BCL11B: variants seen among roughly 807,000 people sequenced by gnomAD.
BCL11B encodes B-cell lymphoma/leukemia 11B.
Under a neutral mutation model 49.9 loss-of-function variants are expected in BCL11B, and 8 were observed. The observed-to-expected ratio is 0.16, with a 90% CI of 0.09 to 0.29. BCL11B has a LOEUF of 0.29. BCL11B is among the 10% of genes least tolerant of loss of function. The probability of loss-of-function intolerance (pLI) is 1.00; values close to 1 mark genes in which losing one functional copy is unlikely to be tolerated. For missense variants in BCL11B, 1,006 were observed against 1,351.0 expected (o/e 0.74, Z 4.00); for synonymous variants, 739 against 637.4 (o/e 1.16, Z -2.40).
At chr14:99,191,217 CT>C (rs5810926) in intron 3 of BCL11B, among the ~76,000 whole-genome samples, 141,479 of 152,048 alleles carry the variant, frequency 0.93, 66,375 homozygotes, top group Non-Finnish European at 0.98. Context: ...GGGGCTTGGG[CT>C]TTGGGGTGCT....
chr14:99,208,104 A>C (rs1887586617), intron 3 of BCL11B, among the ~76,000 whole-genome samples: 3 of 152,214 alleles, frequency 2.0e-5, no homozygotes, highest in African/African-American at 7.2e-5. Flanking sequence ...AGATGAGTCC[A>C]GTAAGTCCCA....
intron 3 of BCL11B, among the ~76,000 whole-genome samples, chr14:99,218,371 C>A (rs1372386038): frequency 1.3e-5 from 2 of 151,656 alleles, no homozygotes; most frequent in Non-Finnish European, 2.9e-5. Flanking sequence ...TGAGCCACTG[C>A]GCCCGGCCAC....
rs1888226380 is a variant in BCL11B at position 99,228,742 on chromosome 14, A to ACTCC, written c.640+2599_640+2602dup. ...CCTGGGATCAAATCCCACCTCCACC[A>ACTCC]CTCCCTCCCTCCCTGCTCCTCCTTC... On this transcript the variant is annotated intron_variant, in intron 3 of 3. Coordinates refer to ENST00000357195, the MANE Select transcript of BCL11B (RefSeq NM_138576.4). This position sits in a 1 kb window ranked among gnomAD's most constrained non-coding sequence, Gnocchi z 4.8. Among the ~76,000 whole-genome samples, 1 of 150,372 alleles carries ACTCC rather than the reference A, an allele frequency of 6.7e-6. No homozygotes were observed. Among genetic ancestry groups the ACTCC allele is most frequent in the Non-Finnish European group, 1.5e-5 (1 of 67,638 alleles).
chr14:99,237,236 C>CTTTTTTTTTTTTTT (rs56991081), intron 2 of BCL11B, among the ~76,000 whole-genome samples: 1 of 132,798 alleles, frequency 7.5e-6, no homozygotes, highest in Non-Finnish European at 1.7e-5. Flanking sequence ...CTTTTTTTTT[C>CTTTTTTTTTTTTTT]TTTTTTTTTT....
intron 2 of BCL11B, among the ~76,000 whole-genome samples, chr14:99,240,283 G>A (rs1152787): frequency 0.39 from 59,323 of 152,060 alleles, 11,818 homozygotes; most frequent in East Asian, 0.52. Context: ...GGTTGCATTT[G>A]ATAGAATTAT....
chr14:99,234,028 C>T (rs1042130863), intron 2 of BCL11B, among the ~76,000 whole-genome samples: 2 of 152,138 alleles, frequency 1.3e-5, no homozygotes, highest in Non-Finnish European at 2.9e-5. Context: ...CTCAAGAAAT[C>T]TGAAGCTACT....
Position 99,241,456 on chromosome 14 carries a change from C to T in BCL11B, c.428-9899G>A, listed in dbSNP as rs1207946146. Among the ~76,000 whole-genome samples the T allele has an allele frequency of 6.6e-6, 1 of 151,252 alleles. No individual in the cohort carries two copies. Among genetic ancestry groups the T allele is most frequent in the East Asian group, 1.9e-4 (1 of 5,152 alleles). On this transcript the variant is annotated intron_variant, in intron 2 of 3. Coordinates refer to ENST00000357195, the MANE Select transcript of BCL11B (RefSeq NM_138576.4). This position sits in a 1 kb window ranked among gnomAD's most constrained non-coding sequence, Gnocchi z 4.4. Reference sequence around the variant, plus strand: ...CAGGAGGCCTCAGAGACTAAACAGACACAAAACCCAAAAGAAAAAGAAAAA... The same window carrying T: ...CAGGAGGCCTCAGAGACTAAACAGATACAAAACCCAAAAGAAAAAGAAAAA...
In BCL11B at chr14:99,172,398, A is replaced by AT; in HGVS notation, c.*1752_*1753insA. On this transcript the variant is annotated 3_prime_UTR_variant, in exon 4 of 4. Coordinates refer to ENST00000357195, the MANE Select transcript of BCL11B (RefSeq NM_138576.4). ...TTTCATATCCTCTATCTTCAACCAG[A>AT]ATTTTTTTTTTTTTTACTTAAAGTA... 1 of 217,942 alleles carries AT rather than the reference A, an allele frequency of 4.6e-6. No homozygotes were observed. Among genetic ancestry groups the AT allele is most frequent in the Non-Finnish European group, 9.2e-6 (1 of 108,786 alleles). 13.5% of individuals were successfully genotyped at this position (217,942 alleles called of 1,614,324 possible).
At chr14:99,178,885 C>A (rs1260948756) in intron 3 of BCL11B, among the ~76,000 whole-genome samples, 1 of 152,180 alleles carries the variant, frequency 6.6e-6, no homozygotes, top group Non-Finnish European at 1.5e-5. Flanking sequence ...GTCAGGCCAC[C>A]TCCCTTCCCC....
rs1886216554 is a variant in BCL11B, at chr14:99,169,358, C to T, written c.*4793G>A. On this transcript the variant is annotated 3_prime_UTR_variant, in exon 4 of 4. Transcript: ENST00000357195. ...CAGAACAAACTTGGTTTTGAACAAG[C>T]GTACAAATGAAATGGCAGACACATG... 1.0e-5 allele frequency: 2 copies of T among 192,976 alleles called. No homozygotes were observed. Among genetic ancestry groups the T allele is most frequent in the East Asian group, 8.2e-5 (1 of 12,184 alleles). 12.0% of individuals were successfully genotyped at this position (192,976 alleles called of 1,614,324 possible). A position where few individuals can be genotyped will look rare whatever the true frequency, so the allele number is the denominator to read the frequency against.
In BCL11B at chr14:99,195,480, A is replaced by C. The variant is rs1397619844; in HGVS notation, c.641-19285T>G. Among the ~76,000 whole-genome samples, 1 of 152,050 alleles carries C rather than the reference A, an allele frequency of 6.6e-6. No individual in the cohort carries two copies. Among genetic ancestry groups the C allele is most frequent in the Non-Finnish European group, 1.5e-5 (1 of 68,000 alleles). On this transcript the variant is annotated intron_variant, in intron 3 of 3. Transcript: ENST00000357195. This position sits in a 1 kb window ranked among gnomAD's most constrained non-coding sequence, Gnocchi z 4.7. The stretch of plus-strand genomic sequence containing the variant: ...ACAGTCCCCCAAGCCAGGATACTGC[A>C]CTGGGCTTTGCACCCCCAAAACAAT...
chr14:99,238,919 T>C (rs1399938058), intron 2 of BCL11B, among the ~76,000 whole-genome samples: 1 of 152,200 alleles, frequency 6.6e-6, no homozygotes, highest in Non-Finnish European at 1.5e-5. Flanking sequence ...GGTGAAGCCA[T>C]GTGTCGCACT....
In BCL11B at chr14:99,194,588, C is replaced by T. The variant is rs1292958272; in HGVS notation, c.641-18393G>A. Among the ~76,000 whole-genome samples the T allele has an allele frequency of 6.6e-6, 1 of 152,226 alleles. No homozygotes were observed. The highest frequency in any genetic ancestry group is 2.4e-5 in the African/African-American group (1 of 41,458). ...CAACCCTGGGGAAGGTGCTTAACTTCTCTGAATCTGTCCTTCGGTGTGAAA... is the reference window on the plus strand; with the variant it reads ...CAACCCTGGGGAAGGTGCTTAACTTTTCTGAATCTGTCCTTCGGTGTGAAA... On this transcript the variant is annotated intron_variant, in intron 3 of 3. Coordinates refer to ENST00000357195, the MANE Select transcript of BCL11B (RefSeq NM_138576.4). This position sits in a 1 kb window ranked among gnomAD's most constrained non-coding sequence, Gnocchi z 4.6.
chr14:99,190,558 T>A (rs1461113216), intron 3 of BCL11B, among the ~76,000 whole-genome samples: 1 of 152,188 alleles, frequency 6.6e-6, no homozygotes, highest in African/African-American at 2.4e-5. Context: ...TTTTGTTTTT[T>A]TAGTGAAGTC....
rs1452574879 is a variant in BCL11B, at chr14:99,170,180, G to GCAA, written c.*3968_*3970dup. 3 of 223,238 alleles carry GCAA rather than the reference G, an allele frequency of 1.3e-5. No homozygotes were observed. Among genetic ancestry groups the GCAA allele is most frequent in the Non-Finnish European group, 1.8e-5 (2 of 111,612 alleles). 13.8% of individuals were successfully genotyped at this position (223,238 alleles called of 1,614,324 possible). A position where few individuals can be genotyped will look rare whatever the true frequency, so the allele number is the denominator to read the frequency against. On this transcript the variant is annotated 3_prime_UTR_variant, in exon 4 of 4. Coordinates refer to ENST00000357195, the MANE Select transcript of BCL11B (RefSeq NM_138576.4). ...TAGGACCTCAGTGGGGCATCCAAAG[G>GCAA]CAACAGCAGCCCCTGGATCTGCAGG... is the stretch of plus-strand genomic sequence containing the variant.
Position 99,259,091 on chromosome 14 carries a change from C to T in BCL11B, c.59-1252G>A, listed in dbSNP as rs1299458680. On this transcript the variant is annotated intron_variant, in intron 1 of 3. Transcript: ENST00000357195. ...TGAGCAAATTCGGGCTGGAATTTTT[C>T]GAGAGCAAATGTCAGTAGTCGTAGA... Among the ~76,000 whole-genome samples, 5 of 152,166 alleles carry T rather than the reference C, an allele frequency of 3.3e-5. No homozygotes were observed. The East Asian group carries it at 5.8e-4, about 18-fold the overall frequency.
At position 99,169,747 on chromosome 14, in the gene BCL11B, T is replaced by C. The variant is rs1447732244; in HGVS notation, c.*4404A>G. On this transcript the variant is annotated 3_prime_UTR_variant, in exon 4 of 4. Transcript: ENST00000357195. ...GGAGCACCAAAATCACGGGTTTGCCTGTGTTCCACGAGACCTTCGGCTGAC... is the reference window on the plus strand; with the variant it reads ...GGAGCACCAAAATCACGGGTTTGCCCGTGTTCCACGAGACCTTCGGCTGAC... 1 of 224,244 alleles carries C rather than the reference T, an allele frequency of 4.5e-6. No individual in the cohort carries two copies. The highest frequency in any genetic ancestry group is 2.2e-5 in the African/African-American group (1 of 44,806). The allele number at this position is 224,244 out of a possible 1,614,324, so 13.9% of individuals were successfully genotyped here.
At chr14:99,253,767 TC>T (rs1889076987) in intron 2 of BCL11B, among the ~76,000 whole-genome samples, 1 of 151,576 alleles carries the variant, frequency 6.6e-6, no homozygotes, top group Non-Finnish European at 1.5e-5. Flanking sequence ...ACCTCTCAGC[TC>T]CCCCAAAGGA....
rs755301445 is a variant in BCL11B, at chr14:99,176,210, G to A, written c.641-15C>T. On this transcript the variant is annotated splice_polypyrimidine_tract_variant and intron_variant, in intron 3 of 3. Transcript: ENST00000357195. ...CTCATCTTTACCTGGGGAAACACAC[G>A]GACAGAAAGGCAGAGACAGCGTGAG... The A allele has an allele frequency of 2.2e-5, 35 of 1,606,612 alleles. No individual in the cohort carries two copies. The highest frequency in any genetic ancestry group is 2.8e-5 in the Non-Finnish European group (33 of 1,176,722).
Sources: gnomAD v4.1 joint callset for allele counts (sites outside exome capture counted in the v4.1 genomes callset) on GRCh38, gnomAD v4.1.1 for gene constraint, Gnocchi (gnomAD v3.1) non-coding constraint, MANE v1.5 for transcripts, NCBI Gene and HGNC (gene_info 2026-07-23, HGNC 2026-07-21) for gene names.